NLRP4: variants seen among roughly 807,000 people sequenced by gnomAD.
The protein encoded by NLRP4 is NLR family pyrin domain containing 4.
In NLRP4, 44 loss-of-function variants were observed where a neutral mutation model predicts 84.7. The ratio of observed to expected loss-of-function variants is 0.52; its 90% CI spans 0.41 to 0.67. NLRP4 has a LOEUF of 0.67. Ranked by LOEUF, NLRP4 falls within the 30% of genes least tolerant of loss-of-function variation. NLRP4 has a pLI of 0.00. For synonymous variants in NLRP4, 544 were observed against 476.4 expected (o/e 1.14, Z -1.85); for missense variants, 1,260 against 1,219.4 (o/e 1.03, Z -0.50).
chr19:55,860,218 C>A (rs1250470443), intron 3 of NLRP4, among the ~76,000 whole-genome samples: 7 of 152,048 alleles, frequency 4.6e-5, no homozygotes, highest in Middle Eastern at 3.2e-3. Flanking sequence ...ATCTCCTGAC[C>A]TCGTGATCTG....
chr19:55,857,737 C>T lies in NLRP4; in HGVS notation c.344C>T (p.Ser115Phe). The T allele has an allele frequency of 6.2e-7, 1 of 1,613,782 alleles. No individual in the cohort carries two copies. Among genetic ancestry groups the T allele is most frequent in the Non-Finnish European group, 8.5e-7 (1 of 1,179,652 alleles). Residue 115 changes from serine to phenylalanine, a missense_variant, in exon 3 of 10, where the codon TCT becomes TTT. Ser to Phe is a radical substitution (Grantham distance 155). Around this residue, in one of 3 missense-constraint regions of NLRP4, gnomAD observed 712 missense variants for 669.2 expected, o/e 1.06. Coordinates refer to ENST00000301295, the MANE Select transcript of NLRP4 (RefSeq NM_134444.5). ...QKFSRLWSSK[S>F]VTEIHLYFEE... Reference sequence around the variant, plus strand: ...TTCAGCCGCTTATGGTCCAGCAAGTCTGTCACTGAGATTCACCTATACTTT... The same window carrying T: ...TTCAGCCGCTTATGGTCCAGCAAGTTTGTCACTGAGATTCACCTATACTTT...
chr19:55,872,071 A>G (rs1286237451), intron 7 of NLRP4, among the ~76,000 whole-genome samples: 1 of 151,948 alleles, frequency 6.6e-6, no homozygotes, highest in Non-Finnish European at 1.5e-5. Flanking sequence ...GATGGTCTCA[A>G]TCTCCTGATC....
intron 1 of NLRP4, among the ~76,000 whole-genome samples, chr19:55,840,072 T>G (rs1983548903): frequency 6.6e-6 from 1 of 152,248 alleles, no homozygotes; most frequent in Admixed American, 6.5e-5. Flanking sequence ...TGAAATATGT[T>G]GAAGCTTGCC....
Position 55,858,395 on chromosome 19 carries a change from G to C in NLRP4, c.1002G>C (p.Leu334=). Reference sequence around the variant, plus strand: ...ATCTTGTAAGAGAAAGTGAACAGCTGTTTTCCATATGCCAAATCCCGCTCC... The same window carrying C: ...ATCTTGTAAGAGAAAGTGAACAGCTCTTTTCCATATGCCAAATCCCGCTCC... ...AFNLVRESEQ[L]FSICQIPLLC... is the part of the protein sequence containing the mutation. The change falls in exon 3 of 10, where the codon CTG becomes CTC. Residue 334 remains leucine (L), a synonymous_variant. Coordinates refer to ENST00000301295, the MANE Select transcript of NLRP4 (RefSeq NM_134444.5). The surrounding 1 kb of genome is among the most constrained non-coding windows in gnomAD (Gnocchi z 4.2). 1.2e-6 allele frequency: 2 copies of C among 1,614,194 alleles called. No homozygotes were observed. The highest frequency in any genetic ancestry group is 1.7e-6 in the Non-Finnish European group (2 of 1,180,032).
intron 7 of NLRP4, among the ~76,000 whole-genome samples, chr19:55,876,020 G>A (rs302448): frequency 0.71 from 108,449 of 152,054 alleles, 39,381 homozygotes; most frequent in East Asian, 0.83. Flanking sequence ...CTGGACAACA[G>A]GAGTGAAACT....
chr19:55,863,256 G>A (rs111839603), intron 5 of NLRP4, among the ~76,000 whole-genome samples: 1 of 152,162 alleles, frequency 6.6e-6, no homozygotes, highest in Non-Finnish European at 1.5e-5. Flanking sequence ...GATGGACAAG[G>A]CTCTGGTGTT....
chr19:55,846,635 A>G (rs1312709393), intron 1 of NLRP4, among the ~76,000 whole-genome samples: 1 of 152,180 alleles, frequency 6.6e-6, no homozygotes, highest in East Asian at 1.9e-4. Flanking sequence ...TTTGCCCAAA[A>G]TTAACAGATG....
chr19:55,837,195 A>T (rs1983359152), intron 1 of NLRP4, among the ~76,000 whole-genome samples: 1 of 152,054 alleles, frequency 6.6e-6, no homozygotes, highest in Non-Finnish European at 1.5e-5. Flanking sequence ...TTGTGTTAGG[A>T]ACATTCAGAA....
intron 1 of NLRP4, among the ~76,000 whole-genome samples, chr19:55,841,582 G>T (rs899579320): frequency 3.9e-5 from 6 of 152,168 alleles, no homozygotes; most frequent in African/African-American, 1.4e-4. Context: ...AGTGCTGCAG[G>T]CCGGGTGCGG....
chr19:55,877,098 C>T lies in NLRP4; in HGVS notation c.2628C>T (p.Ile876=), dbSNP rs372134215. The T allele has an allele frequency of 2.5e-5, 40 of 1,613,978 alleles. No homozygotes were observed. Among genetic ancestry groups the T allele is most frequent in the Middle Eastern group, 1.6e-4 (1 of 6,084 alleles). Reference sequence around the variant, plus strand: ...TTCTGCAAATTGGGTGCAATGAAATCGGAGATGTGGGTGTGCAGCTGTTGT... The same window carrying T: ...TTCTGCAAATTGGGTGCAATGAAATTGGAGATGTGGGTGTGCAGCTGTTGT... The part of the protein sequence containing the change: ...LKILQIGCNE[I]GDVGVQLLCR... The change falls in exon 8 of 10, where the codon ATC becomes ATT. Residue 876 remains isoleucine, a synonymous_variant. Coordinates refer to ENST00000301295, the MANE Select transcript of NLRP4 (RefSeq NM_134444.5).
At chr19:55,837,607 AACAC>A (rs145535303) in intron 1 of NLRP4, among the ~76,000 whole-genome samples, 2 of 151,470 alleles carry the variant, frequency 1.3e-5, no homozygotes, top group African/African-American at 2.4e-5. Context: ...CAACCCTAAA[AACAC>A]ACACACACAC....
rs1984603639 is a variant in NLRP4 at position 55,859,022 on chromosome 19, T to C, written c.1629T>C (p.Asn543=). 3 of 1,614,116 alleles carry C rather than the reference T, an allele frequency of 1.9e-6. No homozygotes were observed. Among genetic ancestry groups the C allele is most frequent in the Non-Finnish European group, 2.5e-6 (3 of 1,180,004 alleles). Residue 543 remains asparagine (N), a synonymous_variant, in exon 3 of 10, where the codon AAT becomes AAC. Transcript: ENST00000301295. ...QCLKSLGERG[N]PQGQVDSLAI... is the part of the protein sequence containing the mutation. The stretch of plus-strand genomic sequence containing the variant: ...TGAAGAGCTTAGGGGAGCGTGGCAA[T>C]CCTCAGGGACAGGTGGATTCCTTGG...
At chr19:55,867,968 C>A in intron 6 of NLRP4, 92 bp downstream of exon 6, 1 of 1,125,122 alleles carries the variant, frequency 8.9e-7, no homozygotes, top group Non-Finnish European at 1.3e-6. Flanking sequence ...TGATGGAGGC[C>A]ACATAGCGGA....
chr19:55,861,266 C>T, intron 3 of NLRP4, 120 bp from the exon 4 acceptor site: 1 of 798,734 alleles, frequency 1.3e-6, no homozygotes, highest in Admixed American at 2.7e-5. Context: ...TTCCTTCTGA[C>T]TGAGGGAGGC....
At chr19:55,868,359 GTTTTAGGGTACGTAAAAC>G (rs1451682637) in intron 6 of NLRP4, among the ~76,000 whole-genome samples, 2 of 152,172 alleles carry the variant, frequency 1.3e-5, no homozygotes, top group African/African-American at 2.4e-5. Flanking sequence ...ATTCAAGCCA[GTTTTAGGGTACGTAAAAC>G]ACAGAAGGAA....
intron 1 of NLRP4, among the ~76,000 whole-genome samples, chr19:55,848,394 C>T (rs752923300): frequency 4.2e-4 from 64 of 151,968 alleles, no homozygotes; most frequent in East Asian, 2.1e-3. Context: ...CTATACTATA[C>T]GATACTATAG....
intron 7 of NLRP4, 30 bp from the exon 8 acceptor site, chr19:55,876,966 T>C (rs1285408898): frequency 1.4e-5 from 22 of 1,594,552 alleles, no homozygotes; most frequent in Non-Finnish European, 1.9e-5. Context: ...TGTAATAGCC[T>C]TTAAGCATGG....
intron 2 of NLRP4, among the ~76,000 whole-genome samples, chr19:55,856,561 G>T (rs1356496217): frequency 7.6e-6 from 1 of 131,396 alleles, no homozygotes; most frequent in Non-Finnish European, 1.5e-5. Context: ...TGTTGCCCAC[G>T]TTAGAGTACA....
At chr19:55,869,788 A>AC (rs1438195304) in intron 6 of NLRP4, among the ~76,000 whole-genome samples, 1 of 151,470 alleles carries the variant, frequency 6.6e-6, no homozygotes, top group African/African-American at 2.4e-5. Context: ...GATCCTTAAA[A>AC]AAAAAAAATT....
Sources: gnomAD v4.1 joint callset for allele counts (sites outside exome capture counted in the v4.1 genomes callset) on GRCh38, gnomAD v4.1.1 for gene constraint, gnomAD v4.1.1 regional missense constraint, Gnocchi (gnomAD v3.1) non-coding constraint, MANE v1.5 for transcripts, NCBI Gene and HGNC (gene_info 2026-07-23, HGNC 2026-07-21) for gene names.